Variants in NLGN4X observed in about 807,000 individuals in gnomAD.
NLGN4X encodes the protein neuroligin 4 X-linked.
A neutral mutation model predicts 40.3 loss-of-function variants in NLGN4X; 3 were observed. The ratio of observed to expected loss-of-function variants is 0.07; its 90% CI spans 0.03 to 0.19. The LOEUF (loss-of-function observed/expected upper bound fraction) is 0.19. Among genes scored for constraint, NLGN4X ranks in the 10% least tolerant of loss-of-function variants. The probability of loss-of-function intolerance (pLI) is 1.00; values close to 1 mark genes in which losing one functional copy is unlikely to be tolerated. For missense variants in NLGN4X, 382 were observed against 708.3 expected, an observed-to-expected ratio of 0.54 and a Z score of 5.23; for synonymous variants, 270 against 306.8, an observed-to-expected ratio of 0.88 and a Z score of 1.25.
intron 3 of NLGN4X, among the ~76,000 whole-genome samples, chrX:5,991,743 A>T (rs1170659799): frequency 8.9e-6 from 1 of 112,067 alleles, no homozygotes; most frequent in African/African-American, 3.2e-5. Flanking sequence ...AACACCAATG[A>T]GTTATAATTG....
At chrX:5,951,742 G>A (rs941493766) in intron 3 of NLGN4X, among the ~76,000 whole-genome samples, 10 of 110,691 alleles carry the variant, frequency 9.0e-5, no homozygotes, top group African/African-American at 3.3e-4. Flanking sequence ...CTTTTATAAT[G>A]GTAGGAATTC....
Position 6,075,149 on chromosome X carries a change from C to T in NLGN4X, c.473-45717G>A, listed in dbSNP as rs1010857105. ...CCTATAGGCAAGATGGTCACAGAAA[C>T]GACTAATGACAAGAAGGTAAGAGCC... On this transcript the variant is annotated intron_variant, in intron 2 of 5. Coordinates refer to ENST00000381095, the MANE Select transcript of NLGN4X (RefSeq NM_181332.3). Among the ~76,000 whole-genome samples the T allele has an allele frequency of 9.9e-5, 11 of 111,604 alleles. No homozygotes were observed. In the East Asian group the frequency reaches 1.7e-3, roughly 17 times the overall value.
intron 3 of NLGN4X, among the ~76,000 whole-genome samples, chrX:6,026,367 T>A (rs896863822): frequency 8.9e-6 from 1 of 112,253 alleles, no homozygotes; most frequent in African/African-American, 3.2e-5. Context: ...CCTAAAATTG[T>A]ATCTACTTGT....
intron 1 of NLGN4X, among the ~76,000 whole-genome samples, chrX:6,183,990 T>G (rs1921758812): frequency 8.9e-6 from 1 of 112,369 alleles, no homozygotes. Context: ...TCTCAGTTAA[T>G]TAACTGATTT....
In NLGN4X at chrX:6,105,066, CT is replaced by C. The variant is rs373672981; in HGVS notation, c.472+45928del. Among the ~76,000 whole-genome samples, 169 of 103,690 alleles carry C rather than the reference CT, an allele frequency of 1.6e-3. 2 individuals are homozygous for C. Among genetic ancestry groups the C allele is most frequent in the African/African-American group, 3.8e-3 (110 of 28,861 alleles). The allele number at this position is 103,690 out of a possible 115,157, so 90.0% of individuals were successfully genotyped here. The stretch of plus-strand genomic sequence containing the variant: ...TACAAACGTGAAAGTGTATTATCTC[CT>C]TTTTTTTTTTTGAGATGGAGTCCCA... On this transcript the variant is annotated intron_variant, in intron 2 of 5. Transcript: ENST00000381095.
rs1926007846 is a variant in NLGN4X, at chrX:6,224,815, A to AGTTTTATGAAAATG, written c.-306+3725_-306+3726insCATTTTCATAAAAC. 5.8e-5 allele frequency among the ~76,000 whole-genome samples: 6 copies of AGTTTTATGAAAATG among 102,682 alleles called. No individual in the cohort carries two copies. In the South Asian group the frequency reaches 2.7e-3, roughly 47 times the overall value. The allele number at this position is 102,682 out of a possible 115,157, so 89.2% of individuals were successfully genotyped here. On this transcript the variant is annotated intron_variant, in intron 1 of 5. Transcript: ENST00000381095. ...AGCATCTTTAAAACTGCATCCACGC[A>AGTTTTATGAAAATG]CAGGCATTATTATGAAAATGCAATT...
chrX:5,981,736 T>C (rs1405906292), intron 3 of NLGN4X, among the ~76,000 whole-genome samples: 1 of 111,261 alleles, frequency 9.0e-6, no homozygotes, highest in Non-Finnish European at 1.9e-5. Context: ...GATTGATAGA[T>C]AAATAATCAC....
chrX:6,050,854 T>G (rs759977880), intron 2 of NLGN4X, among the ~76,000 whole-genome samples: 1 of 111,745 alleles, frequency 8.9e-6, no homozygotes, highest in Admixed American at 9.6e-5. Flanking sequence ...CCTATTTATC[T>G]CCTGGTGACC....
intron 3 of NLGN4X, among the ~76,000 whole-genome samples, chrX:5,995,212 T>G (rs1276605919): frequency 1.8e-5 from 2 of 112,233 alleles, no homozygotes; most frequent in Non-Finnish European, 1.9e-5. Context: ...GAAAGGAGTT[T>G]CCCATGAAGG....
intron 1 of NLGN4X, among the ~76,000 whole-genome samples, chrX:6,155,875 C>T (rs2040252853): frequency 1.8e-5 from 2 of 111,911 alleles, no homozygotes; most frequent in Non-Finnish European, 3.8e-5. Flanking sequence ...AATGGCTATT[C>T]ATAAAACATC....
chrX:5,996,397 C>T (rs758122705), intron 3 of NLGN4X, among the ~76,000 whole-genome samples: 4 of 111,532 alleles, frequency 3.6e-5, no homozygotes, highest in East Asian at 2.8e-4. Flanking sequence ...TTCTCCCTGC[C>T]GGGGTCACCT....
At chrX:5,957,222 T>TTTGCAC (rs2034522712) in intron 3 of NLGN4X, among the ~76,000 whole-genome samples, 1 of 111,874 alleles carries the variant, frequency 8.9e-6, no homozygotes, top group Non-Finnish European at 1.9e-5. Flanking sequence ...TGCAAATAGA[T>TTTGCAC]ATACTATTCA....
intron 5 of NLGN4X, among the ~76,000 whole-genome samples, chrX:5,896,463 G>C (rs2031498682): frequency 8.9e-6 from 1 of 111,802 alleles, no homozygotes. Flanking sequence ...AGCCTAAGAA[G>C]TGTTTAAACT....
chrX:6,111,368 T>C (rs2039144457), intron 2 of NLGN4X, among the ~76,000 whole-genome samples: 2 of 111,206 alleles, frequency 1.8e-5, no homozygotes, highest in South Asian at 3.9e-4. Flanking sequence ...AAGATGCCAT[T>C]TGGGGGAATG....
intron 3 of NLGN4X, among the ~76,000 whole-genome samples, chrX:5,972,779 G>A (rs1297353255): frequency 2.1e-5 from 2 of 95,955 alleles, no homozygotes; most frequent in Admixed American, 1.2e-4. Context: ...GGGTGGGGGC[G>A]GGGATGTCTC....
chrX:6,151,480 A>T lies in NLGN4X; in HGVS notation c.-14T>A. The stretch of plus-strand genomic sequence containing the variant: ...GGGCCGTGACATGGTTCAAATCTGC[A>T]TCCACATCCACAGCTGTCCCAGTGA... On this transcript the variant is annotated 5_prime_UTR_variant, in exon 2 of 6. The change abolishes an upstream ATG in the 5' untranslated region. Coordinates refer to ENST00000381095, the MANE Select transcript of NLGN4X (RefSeq NM_181332.3). 8.5e-7 allele frequency: 1 copy of T among 1,175,099 alleles called. No homozygotes were observed. The highest frequency in any genetic ancestry group is 1.8e-5 in the South Asian group (1 of 56,035).
intron 2 of NLGN4X, among the ~76,000 whole-genome samples, chrX:6,143,332 G>A (rs1288308187): frequency 8.9e-6 from 1 of 112,416 alleles, no homozygotes; most frequent in East Asian, 2.8e-4. Context: ...GAAACAAGGT[G>A]TAGCTTGAAA....
chrX:6,227,965 G>C (rs1430222924), intron 1 of NLGN4X: 1 of 112,558 alleles, frequency 8.9e-6, no homozygotes, highest in Non-Finnish European at 1.8e-5. Flanking sequence ...ATAAGGGGGG[G>C]GGGTGGGGGG....
At chrX:6,102,013 T>C (rs2038919302) in intron 2 of NLGN4X, among the ~76,000 whole-genome samples, 1 of 110,607 alleles carries the variant, frequency 9.0e-6, no homozygotes, top group East Asian at 2.8e-4. Context: ...GATTTCACTG[T>C]GTTAGCCAGG....
Sources: gnomAD v4.1 joint callset for allele counts (sites outside exome capture counted in the v4.1 genomes callset) on GRCh38, gnomAD v4.1.1 for gene constraint, MANE v1.5 for transcripts, NCBI Gene and HGNC (gene_info 2026-07-23, HGNC 2026-07-21) for gene names.